The following ADD3 variants were observed in gnomAD, a reference collection of about 807,000 sequenced individuals.
ADD3 encodes gamma-adducin.
ADD3 carries 25 observed loss-of-function variants against 80.2 expected under a neutral mutation model. The observed-to-expected ratio is 0.31, with a 90% CI of 0.23 to 0.44. The LOEUF (loss-of-function observed/expected upper bound fraction) is 0.44. ADD3 is among the 20% of genes least tolerant of loss of function. The probability of loss-of-function intolerance (pLI) is 1.00; values close to 1 mark genes in which losing one functional copy is unlikely to be tolerated. For missense variants in ADD3, 829 were observed against 847.5 expected (o/e 0.98, Z 0.27); for synonymous variants, 284 against 289.6 (o/e 0.98, Z 0.20).
chr10:110,011,677 C>G (rs1359765038), intron 1 of ADD3, among the ~76,000 whole-genome samples: 1 of 152,114 alleles, frequency 6.6e-6, no homozygotes, highest in East Asian at 1.9e-4. Flanking sequence ...TGCTATTCTT[C>G]CTTTTAAACG....
chr10:110,122,289 C>G lies in ADD3; in HGVS notation c.1140C>G (p.Asn380Lys). 2 of 1,610,498 alleles carry G rather than the reference C, an allele frequency of 1.2e-6. No homozygotes were observed. Among genetic ancestry groups the G allele is most frequent in the Non-Finnish European group, 1.7e-6 (2 of 1,178,612 alleles). ...EFEGLMRTLD[N>K]LGYRTGYAYR... Reference sequence around the variant, plus strand: ...AAGGGCTTATGAGGACTCTGGACAACTTGGTAGGTTGCAAAATTGAAGTAA... The same window carrying G: ...AAGGGCTTATGAGGACTCTGGACAAGTTGGTAGGTTGCAAAATTGAAGTAA... The change falls in exon 9 of 15, where the codon AAC (asparagine) becomes AAG (lysine). Residue 380 changes from asparagine (N) to lysine (K), a missense_variant. Coordinates refer to ENST00000356080, the MANE Select transcript of ADD3 (RefSeq NM_016824.5).
At chr10:110,125,751 A>G (rs1852069372) in intron 10 of ADD3, 75 bp from the exon 11 acceptor site, 4 of 1,154,554 alleles carry the variant, frequency 3.5e-6, no homozygotes, top group East Asian at 2.4e-5. Context: ...TCTTGAGACT[A>G]TAAGCAGTTA....
intron 1 of ADD3, among the ~76,000 whole-genome samples, chr10:110,038,916 G>A (rs1194200175): frequency 2.0e-5 from 3 of 152,094 alleles, no homozygotes; most frequent in South Asian, 2.1e-4. Context: ...TAAATTATGG[G>A]CTATAATATG....
intron 1 of ADD3, among the ~76,000 whole-genome samples, chr10:110,040,892 G>A (rs910974155): frequency 1.3e-5 from 2 of 151,382 alleles, no homozygotes; most frequent in African/African-American, 4.8e-5. Flanking sequence ...AAGAAAACTG[G>A]AAAAAAGAAC....
intron 2 of ADD3, among the ~76,000 whole-genome samples, chr10:110,104,145 A>C (rs1052372081): frequency 1.3e-5 from 2 of 152,240 alleles, no homozygotes; most frequent in African/African-American, 4.8e-5. Flanking sequence ...AGAGGGCATA[A>C]GATAACTGCT....
chr10:110,134,547 T>A lies in ADD3; in HGVS notation c.*929T>A, dbSNP rs1013876669. The A allele has an allele frequency of 6.6e-6, 1 of 152,466 alleles. No individual in the cohort carries two copies. Among genetic ancestry groups the A allele is most frequent in the Non-Finnish European group, 1.5e-5 (1 of 68,030 alleles). The allele number at this position is 152,466 out of a possible 1,614,324, so 9.4% of individuals were successfully genotyped here. A position where few individuals can be genotyped will look rare whatever the true frequency, so the allele number is the denominator to read the frequency against. ...AGATTCATATTTGAATCTTAAACTG[T>A]ATTTTTCTCTTAGTATTGCTAATGA... is the stretch of plus-strand genomic sequence containing the variant. On this transcript the variant is annotated 3_prime_UTR_variant, in exon 15 of 15. Coordinates refer to ENST00000356080, the MANE Select transcript of ADD3 (RefSeq NM_016824.5).
chr10:110,063,574 G>A (rs1472632309), intron 1 of ADD3, among the ~76,000 whole-genome samples: 1 of 151,070 alleles, frequency 6.6e-6, no homozygotes, highest in Non-Finnish European at 1.5e-5. Flanking sequence ...CAGAAAAAAT[G>A]GCATCAAGTT....
intron 1 of ADD3, among the ~76,000 whole-genome samples, chr10:110,088,834 C>T (rs1316002568): frequency 6.6e-6 from 1 of 152,092 alleles, no homozygotes; most frequent in Admixed American, 6.5e-5. Flanking sequence ...TCCCTTTCCC[C>T]CACCGTGGCA....
intron 1 of ADD3, among the ~76,000 whole-genome samples, chr10:110,037,014 G>T (rs1345716370): frequency 6.6e-6 from 1 of 152,178 alleles, no homozygotes; most frequent in Non-Finnish European, 1.5e-5. Context: ...ATTTCTGAGG[G>T]TAAGAGATGG....
intron 1 of ADD3, among the ~76,000 whole-genome samples, chr10:110,071,398 A>G (rs747755750): frequency 6.6e-6 from 1 of 152,232 alleles, no homozygotes; most frequent in Non-Finnish European, 1.5e-5. Flanking sequence ...GATCTCATGT[A>G]TTCTTGCCAC....
intron 11 of ADD3, 87 bp downstream of exon 11, chr10:110,126,032 C>CT (rs1590236271): frequency 1.5e-6 from 2 of 1,360,690 alleles, no homozygotes; most frequent in Non-Finnish European, 2.0e-6. Context: ...TAATGCCAAA[C>CT]TTAGAAGTTT....
At chr10:110,114,197 A>G (rs1258703300) in intron 3 of ADD3, among the ~76,000 whole-genome samples, 2 of 152,172 alleles carry the variant, frequency 1.3e-5, no homozygotes, top group African/African-American at 4.8e-5. Context: ...TGAAATACTT[A>G]CGCAGTGAAG....
At chr10:110,009,553 A>C (rs1197398444) in intron 1 of ADD3, among the ~76,000 whole-genome samples, 2 of 152,232 alleles carry the variant, frequency 1.3e-5, no homozygotes, top group Non-Finnish European at 2.9e-5. Context: ...TAACCCTATA[A>C]ATAACTGGAA....
rs561271499 is a variant in ADD3 at position 110,038,188 on chromosome 10, G to T, written c.-30+29889G>T. 2.0e-5 allele frequency among the ~76,000 whole-genome samples: 3 copies of T among 151,884 alleles called. No homozygotes were observed. In the East Asian group the frequency reaches 5.8e-4, roughly 29 times the overall value. ...TCTTATATTAAGGTAGGTTATCTAT[G>T]CTTTATTAACATCTCCAGAATTCAG... On this transcript the variant is annotated intron_variant, in intron 1 of 14. Coordinates refer to ENST00000356080, the MANE Select transcript of ADD3 (RefSeq NM_016824.5).
intron 1 of ADD3, among the ~76,000 whole-genome samples, chr10:110,090,795 T>C (rs1222306606): frequency 6.6e-6 from 1 of 152,240 alleles, no homozygotes; most frequent in East Asian, 1.9e-4. Context: ...GAACATTTAG[T>C]ACCGCAGTGG....
intron 1 of ADD3, among the ~76,000 whole-genome samples, chr10:110,062,336 G>A (rs1247812657): frequency 6.6e-6 from 1 of 151,434 alleles, no homozygotes; most frequent in Non-Finnish European, 1.5e-5. Context: ...AGAGGTTGCG[G>A]TGAGCCAAGA....
intron 1 of ADD3, among the ~76,000 whole-genome samples, chr10:110,012,755 CTT>C (rs11318860): frequency 4.3e-4 from 63 of 148,202 alleles, no homozygotes; most frequent in African/African-American, 1.2e-3. Flanking sequence ...ATGTTTATAT[CTT>C]TTTTTTTTTT....
At chr10:110,101,458 T>A (rs917905012) in intron 2 of ADD3, among the ~76,000 whole-genome samples, 9 of 151,826 alleles carry the variant, frequency 5.9e-5, no homozygotes, top group Non-Finnish European at 8.8e-5. Flanking sequence ...GCATAGTGAA[T>A]CCTTGTCTCT....
chr10:110,027,780 C>A (rs955726213), intron 1 of ADD3, among the ~76,000 whole-genome samples: 1 of 152,106 alleles, frequency 6.6e-6, no homozygotes, highest in African/African-American at 2.4e-5. Context: ...TGAGACACTT[C>A]AGAGAGAAAA....
Sources: allele counts gnomAD v4.1 joint callset (sites outside exome capture counted in the v4.1 genomes callset), GRCh38; gene constraint gnomAD v4.1.1; transcripts MANE v1.5; gene names NCBI Gene and HGNC (gene_info 2026-07-23, HGNC 2026-07-21).